Variants in HMCN1 observed in about 807,000 individuals in gnomAD.
The protein encoded by HMCN1 is hemicentin-1.
HMCN1 carries 321 observed loss-of-function variants against 625.9 expected under a neutral mutation model. The ratio of observed to expected loss-of-function variants is 0.51; its 90% CI spans 0.47 to 0.56. HMCN1 has a LOEUF of 0.56. Ranked by LOEUF, HMCN1 falls within the 20% of genes least tolerant of loss-of-function variation. HMCN1 has a pLI of 0.00. For missense variants in HMCN1, 6,588 were observed against 6,887.3 expected, an observed-to-expected ratio of 0.96 and a Z score of 1.54; for synonymous variants, 2,425 against 2,417.6, an observed-to-expected ratio of 1.00 and a Z score of -0.09.
intron 36 of HMCN1, 138 bp downstream of exon 36, chr1:186,023,291 T>C: frequency 1.5e-6 from 1 of 672,644 alleles, no homozygotes; most frequent in Non-Finnish European, 2.4e-6. Flanking sequence ...ACCTAGGGTT[T>C]TTTTTTTTTT....
chr1:185,884,621 T>C (rs548367508), intron 4 of HMCN1, among the ~76,000 whole-genome samples: 2 of 152,102 alleles, frequency 1.3e-5, no homozygotes, highest in South Asian at 2.1e-4. Context: ...CTTTAGTTAT[T>C]TGTAGGAGGG....
At chr1:185,851,653 A>G (rs1662169371) in intron 2 of HMCN1, among the ~76,000 whole-genome samples, 1 of 152,140 alleles carries the variant, frequency 6.6e-6, no homozygotes, top group African/African-American at 2.4e-5. Context: ...TGCAGTGCAA[A>G]GCCTTGCTTT....
chr1:186,036,465 C>A (rs1655830355), intron 36 of HMCN1, among the ~76,000 whole-genome samples: 1 of 152,148 alleles, frequency 6.6e-6, no homozygotes, highest in African/African-American at 2.4e-5. Context: ...TATTCACTAT[C>A]ATGAGAACAG....
intron 11 of HMCN1, among the ~76,000 whole-genome samples, chr1:185,948,681 G>A (rs1388930838): frequency 2.6e-5 from 4 of 151,856 alleles, no homozygotes; most frequent in African/African-American, 9.7e-5. Flanking sequence ...GCATATATGT[G>A]CAAGTCACAG....
At chr1:186,110,865 T>C (rs560285005) in intron 71 of HMCN1, among the ~76,000 whole-genome samples, 1 of 151,998 alleles carries the variant, frequency 6.6e-6, no homozygotes, top group East Asian at 1.9e-4. Context: ...GGCTTTAATT[T>C]TCTCAGTGGA....
chr1:186,064,611 C>T (rs912210980), intron 48 of HMCN1, among the ~76,000 whole-genome samples: 1 of 151,768 alleles, frequency 6.6e-6, no homozygotes, highest in Non-Finnish European at 1.5e-5. Flanking sequence ...AGATCAAGAC[C>T]ATCCTGGCTA....
At chr1:186,106,276 A>G (rs888920023) in intron 69 of HMCN1, among the ~76,000 whole-genome samples, 3 of 152,226 alleles carry the variant, frequency 2.0e-5, no homozygotes, top group South Asian at 2.1e-4. Flanking sequence ...ATGAATGAAC[A>G]TTAACTTTCC....
chr1:185,766,558 G>T (rs1457851530), intron 1 of HMCN1, among the ~76,000 whole-genome samples: 1 of 152,054 alleles, frequency 6.6e-6, no homozygotes, highest in Non-Finnish European at 1.5e-5. Context: ...CAAACCAAAT[G>T]AAATAAACAG....
chr1:186,065,752 C>T (rs941238601), intron 49 of HMCN1, among the ~76,000 whole-genome samples: 2 of 152,100 alleles, frequency 1.3e-5, no homozygotes, highest in East Asian at 1.9e-4. Context: ...CTGAGATATT[C>T]TATCCTTTTT....
At chr1:186,140,653 A>T (rs1039969257) in intron 89 of HMCN1, among the ~76,000 whole-genome samples, 1 of 152,024 alleles carries the variant, frequency 6.6e-6, no homozygotes, top group Non-Finnish European at 1.5e-5. Flanking sequence ...CCTTTCACCC[A>T]CTAGTTTTAG....
chr1:186,164,423 T>C (rs935430202), intron 97 of HMCN1, among the ~76,000 whole-genome samples: 3 of 152,134 alleles, frequency 2.0e-5, no homozygotes, highest in African/African-American at 7.2e-5. Context: ...GTATTTTTAG[T>C]AGAGACAGAC....
intron 93 of HMCN1, among the ~76,000 whole-genome samples, chr1:186,148,738 G>A (rs1427659914): frequency 6.6e-6 from 1 of 151,922 alleles, no homozygotes. Context: ...AACTCCTCAA[G>A]TGAGCTACCG....
rs775560685 is a variant in HMCN1 at position 186,000,189 on chromosome 1, C to G, written c.4019C>G (p.Ala1340Gly). The G allele has an allele frequency of 1.9e-6, 3 of 1,613,088 alleles. No homozygotes were observed. The South Asian group carries it at 3.3e-5, about 18-fold the overall frequency. ...GACAATGGGGAGTACATCTGTGTGGCAGTCAATGAAGCTGGAACCACAGAA... is the reference window on the plus strand; with the variant it reads ...GACAATGGGGAGTACATCTGTGTGGGAGTCAATGAAGCTGGAACCACAGAA... ...PYDNGEYICV[A>G]VNEAGTTERK... Residue 1340 changes from alanine (A) to glycine (G), a missense_variant, in exon 26 of 107, where the codon GCA (alanine) becomes GGA (glycine). Physicochemically the swap from Ala to Gly is moderately conservative, Grantham distance 60 (BLOSUM62 0). This residue lies in a region of HMCN1 where 4,628 missense variants were observed against 4,853.1 expected (regional missense o/e 0.95). Coordinates refer to ENST00000271588, the MANE Select transcript of HMCN1 (RefSeq NM_031935.3).
intron 11 of HMCN1, among the ~76,000 whole-genome samples, chr1:185,961,884 G>A (rs1650048309): frequency 6.6e-6 from 1 of 152,118 alleles, no homozygotes; most frequent in African/African-American, 2.4e-5. Context: ...GATCTTGGGA[G>A]GGGCAGGCAG....
intron 20 of HMCN1, among the ~76,000 whole-genome samples, 179 bp downstream of exon 20, chr1:185,987,723 C>T (rs892137730): frequency 1.3e-5 from 2 of 152,090 alleles, no homozygotes; most frequent in Admixed American, 1.3e-4. Flanking sequence ...CATATAGATG[C>T]ACCTCAGAAG....
intron 11 of HMCN1, among the ~76,000 whole-genome samples, chr1:185,938,081 T>C (rs992879591): frequency 9.2e-5 from 14 of 151,772 alleles, no homozygotes; most frequent in African/African-American, 3.4e-4. Flanking sequence ...TTTCAGAATA[T>C]TGAAAATAAC....
At chr1:185,861,558 C>A (rs191153714) in intron 2 of HMCN1, among the ~76,000 whole-genome samples, 1 of 152,250 alleles carries the variant, frequency 6.6e-6, no homozygotes, top group East Asian at 1.9e-4. Context: ...CCAGAATATC[C>A]ATTACAGATT....
At chr1:185,983,708 A>G (rs1019944532) in intron 18 of HMCN1, among the ~76,000 whole-genome samples, 1 of 152,184 alleles carries the variant, frequency 6.6e-6, no homozygotes, top group Non-Finnish European at 1.5e-5. Flanking sequence ...TCTGTTACCT[A>G]ACAAGGGTGG....
At chr1:186,166,626 T>C (rs1651896223) in intron 99 of HMCN1, among the ~76,000 whole-genome samples, 182 bp from the exon 100 acceptor site, 1 of 152,266 alleles carries the variant, frequency 6.6e-6, no homozygotes, top group Admixed American at 6.5e-5. Context: ...AATCACACTG[T>C]GCTGCTGTGA....
Sources: allele counts gnomAD v4.1 joint callset (sites outside exome capture counted in the v4.1 genomes callset), GRCh38; gene constraint gnomAD v4.1.1; regional missense constraint gnomAD v4.1.1; transcripts MANE v1.5; gene names NCBI Gene and HGNC (gene_info 2026-07-23, HGNC 2026-07-21).